Variants in FABP1 observed in about 807,000 individuals in gnomAD.
The protein encoded by FABP1 is fatty acid-binding protein, liver.
FABP1 carries 13 observed loss-of-function variants against 13.7 expected under a neutral mutation model. The observed-to-expected ratio is 0.95, with a 90% CI of 0.62 to 1.51. FABP1 has a LOEUF of 1.51. FABP1 is among the 40% of genes most tolerant of loss of function. FABP1 has a pLI of 0.00. For missense variants in FABP1, 140 were observed against 155.7 expected, an observed-to-expected ratio of 0.90 and a Z score of 0.54; for synonymous variants, 48 against 59.8, an observed-to-expected ratio of 0.80 and a Z score of 0.91.
chr2:88,126,256 C>T lies in FABP1; in HGVS notation c.160G>A (p.Ala54Thr), dbSNP rs1801273. The T allele has an allele frequency of 7.9e-5, 128 of 1,613,936 alleles. No individual in the cohort carries two copies. The highest frequency in any genetic ancestry group is 1.0e-4 in the Non-Finnish European group (120 of 1,179,872). The change falls in exon 2 of 4, where the codon GCT (alanine) becomes ACT (threonine). Residue 54 changes from alanine (A) to threonine (T), a missense_variant. Transcript: ENST00000295834. ...TCGTTTTGGATCACTTTGGACCCAGCGGTGATGGTGAACTTGAAGTGCTTC... is the reference window on the plus strand; with the variant it reads ...TCGTTTTGGATCACTTTGGACCCAGTGGTGATGGTGAACTTGAAGTGCTTC... Reference protein sequence around the residue: ...NGKHFKFTITAGSKVIQNEFT... With the variant: ...NGKHFKFTITTGSKVIQNEFT...
intron 3 of FABP1, chr2:88,124,283 G>A (rs980448583): frequency 5.7e-5 from 28 of 490,008 alleles, no homozygotes; most frequent in East Asian, 3.5e-4. Context: ...GGTTGGTTGC[G>A]CTGAGCAGAA....
rs1478090076 is a variant in FABP1 at position 88,126,352 on chromosome 2, G to A, written c.68-4C>T. ...TGGATGAGCTCTTCCGGCAGACCTGGTGGAAACCGTCTGAGGTTTAGATAT... is the reference window on the plus strand; with the variant it reads ...TGGATGAGCTCTTCCGGCAGACCTGATGGAAACCGTCTGAGGTTTAGATAT... On this transcript the variant is annotated splice_region_variant and splice_polypyrimidine_tract_variant and intron_variant, in intron 1 of 3. Coordinates refer to ENST00000295834, the MANE Select transcript of FABP1 (RefSeq NM_001443.3). The A allele has an allele frequency of 9.9e-6, 16 of 1,611,988 alleles. No homozygotes were observed. Among genetic ancestry groups the A allele is most frequent in the Non-Finnish European group, 1.3e-5 (15 of 1,178,366 alleles).
chr2:88,124,486 C>G lies in FABP1; in HGVS notation c.333+8G>C, dbSNP rs1675260462. 6.2e-7 allele frequency: 1 copy of G among 1,604,772 alleles called. No individual in the cohort carries two copies. The highest frequency in any genetic ancestry group is 8.5e-7 in the Non-Finnish European group (1 of 1,175,372). On this transcript the variant is annotated splice_region_variant and intron_variant, in intron 3 of 3. Coordinates refer to ENST00000295834, the MANE Select transcript of FABP1 (RefSeq NM_001443.3). ...GGGAGCCACACGCTCAGAGCACCAC[C>G]AACTTACATTGGTGATTATGTCGCC...
intron 3 of FABP1, 195 bp from the exon 4 acceptor site, chr2:88,123,299 G>C (rs1675237909): frequency 1.8e-6 from 1 of 567,364 alleles, no homozygotes; most frequent in Non-Finnish European, 3.1e-6. Context: ...CCTATGCCAA[G>C]TCTTTGTCAC....
intron 2 of FABP1, among the ~76,000 whole-genome samples, chr2:88,125,635 A>G (rs1227363125): frequency 6.6e-6 from 1 of 152,160 alleles, no homozygotes; most frequent in Admixed American, 6.5e-5. Flanking sequence ...TATTTTACAG[A>G]TGGGGTGGCT....
chr2:88,124,724 T>A (rs1675265798), intron 2 of FABP1, 138 bp from the exon 3 acceptor site: 3 of 598,528 alleles, frequency 5.0e-6, no homozygotes, highest in African/African-American at 3.9e-5. Flanking sequence ...AAGCCTCTAG[T>A]TCTCTGGCTC....
chr2:88,126,545 G>A (rs1195613617), intron 1 of FABP1, 197 bp from the exon 2 acceptor site: 7 of 536,062 alleles, frequency 1.3e-5, no homozygotes, highest in East Asian at 5.5e-5. Flanking sequence ...GACCTGGCCT[G>A]GCCTGCTGCT....
chr2:88,124,438 CCTCCCCT>C, intron 3 of FABP1, 49 bp downstream of exon 3: 1 of 1,375,570 alleles, frequency 7.3e-7, no homozygotes, highest in Non-Finnish European at 1.0e-6. Context: ...CCATGCTTCA[CCTCCCCT>C]CTCCCCTCAA....
chr2:88,126,267 A>G lies in FABP1; in HGVS notation c.149T>C (p.Phe50Ser). The G allele has an allele frequency of 6.2e-7, 1 of 1,613,894 alleles. No individual in the cohort carries two copies. Among genetic ancestry groups the G allele is most frequent in the Non-Finnish European group, 8.5e-7 (1 of 1,179,884 alleles). Residue 50 changes from phenylalanine (F) to serine (S), a missense_variant, in exon 2 of 4, where the codon TTC becomes TCC. Phe to Ser is a radical substitution (Grantham distance 155). Coordinates refer to ENST00000295834, the MANE Select transcript of FABP1 (RefSeq NM_001443.3). ...EIVQNGKHFK[F>S]TITAGSKVIQ... is the part of the protein sequence containing the mutation. ...CACTTTGGACCCAGCGGTGATGGTGAACTTGAAGTGCTTCCCATTCTGCAC... is the reference window on the plus strand; with the variant it reads ...CACTTTGGACCCAGCGGTGATGGTGGACTTGAAGTGCTTCCCATTCTGCAC...
chr2:88,126,200 C>A lies in FABP1; in HGVS notation c.216G>T (p.Glu72Asp). 1 of 1,611,014 alleles carries A rather than the reference C, an allele frequency of 6.2e-7. No homozygotes were observed. Among genetic ancestry groups the A allele is most frequent in the Non-Finnish European group, 8.5e-7 (1 of 1,177,572 alleles). The change falls in exon 2 of 4, where the codon GAG becomes GAT. Residue 72 changes from glutamate (E) to aspartate (D), a missense_variant. Physicochemically the swap from Glu to Asp is conservative, Grantham distance 45. Coordinates refer to ENST00000295834, the MANE Select transcript of FABP1 (RefSeq NM_001443.3). ...EFTVGEECEL[E>D]TMTGEKVKTV... ...CCTTGACTTTCTCCCCTGTCATTGT[C>A]TCCAGCTCACATTCCTCCCCCACCG...
At chr2:88,123,598 C>A (rs1194434251) in intron 3 of FABP1, 1 of 153,354 alleles carries the variant, frequency 6.5e-6, no homozygotes, top group Non-Finnish European at 1.5e-5. Flanking sequence ...GTTTCCTCCA[C>A]CCCTGCCAGT....
At chr2:88,123,250 T>C in intron 3 of FABP1, 146 bp from the exon 4 acceptor site, 1 of 649,748 alleles carries the variant, frequency 1.5e-6, no homozygotes, top group South Asian at 2.1e-5. Flanking sequence ...TCTGGTTTCC[T>C]GTAGGACCGG....
chr2:88,126,750 C>T (rs1301521926), intron 1 of FABP1: 5 of 172,134 alleles, frequency 2.9e-5, no homozygotes, highest in Non-Finnish European at 5.1e-5. Context: ...GTCCCTCCTG[C>T]AAGTGAAAGG....
At position 88,123,522 on chromosome 2, in the gene FABP1, T is replaced by G. The variant is rs1212630556; in HGVS notation, c.334-418A>C. On this transcript the variant is annotated intron_variant, in intron 3 of 3. Transcript: ENST00000295834. ...CTGGAAGGCAGTGGGTAGTGCATAA[T>G]TGTCCTCCTATAGCTGTGAAGCATA... 1.7e-5 allele frequency: 3 copies of G among 171,656 alleles called. No individual in the cohort carries two copies. The Admixed American group carries it at 1.8e-4, about 10-fold the overall frequency. The allele number at this position is 171,656 out of a possible 1,614,324, so 10.6% of individuals were successfully genotyped here.
intron 2 of FABP1, 52 bp from the exon 3 acceptor site, chr2:88,124,638 G>T: frequency 2.9e-6 from 4 of 1,374,968 alleles, no homozygotes; most frequent in Non-Finnish European, 4.1e-6. Flanking sequence ...GGGGGCAAGA[G>T]CCTTGCTAAT....
chr2:88,124,751 G>A (rs1428033077), intron 2 of FABP1, among the ~76,000 whole-genome samples, 165 bp from the exon 3 acceptor site: 1 of 152,104 alleles, frequency 6.6e-6, no homozygotes, highest in Non-Finnish European at 1.5e-5. Context: ...GAAGTGAGGT[G>A]CATTTAAGAA....
chr2:88,125,938 G>A, intron 2 of FABP1: 1 of 408,030 alleles, frequency 2.5e-6, no homozygotes. Flanking sequence ...TCCTCCATAT[G>A]GGAGAGCTCA....
At chr2:88,123,528 T>A (rs1361049868) in intron 3 of FABP1, 1 of 164,194 alleles carries the variant, frequency 6.1e-6, no homozygotes, top group Non-Finnish European at 1.3e-5. Flanking sequence ...ATAATTGTCC[T>A]CCTATAGCTG....
At chr2:88,124,879 A>G (rs996287074) in intron 2 of FABP1, among the ~76,000 whole-genome samples, 2 of 152,212 alleles carry the variant, frequency 1.3e-5, no homozygotes, top group Non-Finnish European at 2.9e-5. Flanking sequence ...AATCAAGTAA[A>G]ATCTCAATTC....
Sources: gnomAD v4.1 joint callset for allele counts (sites outside exome capture counted in the v4.1 genomes callset) on GRCh38, gnomAD v4.1.1 for gene constraint, MANE v1.5 for transcripts, NCBI Gene and HGNC (gene_info 2026-07-23, HGNC 2026-07-21) for gene names.